IPPK: variants seen among roughly 807,000 people sequenced by gnomAD.
The protein encoded by IPPK is inositol-pentakisphosphate 2-kinase.
A neutral mutation model predicts 64.6 loss-of-function variants in IPPK; 22 were observed. The ratio of observed to expected loss-of-function variants is 0.34; its 90% confidence interval spans 0.24 to 0.49. The LOEUF (loss-of-function observed/expected upper bound fraction) is 0.49, where lower values mean the gene tolerates loss of function less well. Ranked by LOEUF, IPPK falls within the 20% of genes least tolerant of loss-of-function variation. The pLI, the probability that IPPK is intolerant of heterozygous loss-of-function variation, is 0.99. For synonymous variants in IPPK, 262 were observed against 247.2 expected, an observed-to-expected ratio of 1.06 and a Z score of -0.56; for missense variants, 532 against 630.7, an observed-to-expected ratio of 0.84 and a Z score of 1.68.
intron 6 of IPPK, among the ~76,000 whole-genome samples, chr9:92,645,425 G>C (rs994103970): frequency 2.0e-5 from 3 of 152,074 alleles, no homozygotes; most frequent in Non-Finnish European, 4.4e-5. Flanking sequence ...AAATTCTTTA[G>C]TTGAAAAGTA....
chr9:92,661,154 A>T (rs1227781956), intron 1 of IPPK, among the ~76,000 whole-genome samples: 2 of 152,222 alleles, frequency 1.3e-5, no homozygotes, highest in East Asian at 3.8e-4. Flanking sequence ...CAAGATGGGC[A>T]ACTGAGTCCC....
intron 4 of IPPK, among the ~76,000 whole-genome samples, chr9:92,650,996 C>T (rs1852256460): frequency 6.6e-6 from 1 of 152,126 alleles, no homozygotes; most frequent in African/African-American, 2.4e-5. Flanking sequence ...AAACCTCCCA[C>T]GGTTGTTATG....
chr9:92,621,882 G>A (rs917852936), intron 11 of IPPK, among the ~76,000 whole-genome samples: 1 of 152,058 alleles, frequency 6.6e-6, no homozygotes, highest in East Asian at 1.9e-4. Context: ...AGTGTTTTAC[G>A]GGCAGGTCTA....
intron 11 of IPPK, among the ~76,000 whole-genome samples, chr9:92,632,790 A>G (rs142187874): frequency 3.9e-4 from 59 of 152,336 alleles, no homozygotes; most frequent in Non-Finnish European, 6.9e-4. Flanking sequence ...CAAAACAGAC[A>G]GCTGCAGCCC....
chr9:92,648,047 A>ACAG lies in IPPK; in HGVS notation c.504+11_504+12insCTG. 6.2e-7 allele frequency: 1 copy of ACAG among 1,605,524 alleles called. No homozygotes were observed. The highest frequency in any genetic ancestry group is 1.7e-5 in the Admixed American group (1 of 59,668). On this transcript the variant is annotated intron_variant, in intron 6 of 12. Coordinates refer to ENST00000287996, the MANE Select transcript of IPPK (RefSeq NM_022755.6). Reference sequence around the variant, plus strand: ...CAGCTAGAGTAGCCCACAGCTGGGCATTGGCTCTCACCTTGAGGTGCTGGT... The same window carrying ACAG: ...CAGCTAGAGTAGCCCACAGCTGGGCACAGTTGGCTCTCACCTTGAGGTGCTGGT...
At chr9:92,662,433 G>A (rs1490814209) in intron 1 of IPPK, among the ~76,000 whole-genome samples, 1 of 151,834 alleles carries the variant, frequency 6.6e-6, no homozygotes, top group Non-Finnish European at 1.5e-5. Context: ...GGCTGAGGCA[G>A]AATCACTTGA....
At chr9:92,651,359 A>G (rs11790002) in intron 4 of IPPK, among the ~76,000 whole-genome samples, 11,679 of 152,268 alleles carry the variant, frequency 0.077, 677 homozygotes, top group Admixed American at 0.14. Flanking sequence ...TTCCTGTCAT[A>G]AGGCCACCAG....
intron 12 of IPPK, chr9:92,617,491 C>A (rs948879383): frequency 7.2e-5 from 11 of 152,870 alleles, no homozygotes; most frequent in African/African-American, 2.7e-4. Context: ...CACAGAAATG[C>A]TCTTCTTCCC....
rs1233664675 is a variant in IPPK, at chr9:92,615,608, A to G, written c.*224T>C. 1 of 525,456 alleles carries G rather than the reference A, an allele frequency of 1.9e-6. No individual in the cohort carries two copies. Among genetic ancestry groups the G allele is most frequent in the Non-Finnish European group, 3.4e-6 (1 of 291,380 alleles). 32.5% of individuals were successfully genotyped at this position (525,456 alleles called of 1,614,324 possible). Reference sequence around the variant, plus strand: ...GCTTAACGGACACTTCCATTTTAAGAGTGTGAGCAGCTTCCTGGGACACAG... The same window carrying G: ...GCTTAACGGACACTTCCATTTTAAGGGTGTGAGCAGCTTCCTGGGACACAG... On this transcript the variant is annotated 3_prime_UTR_variant, in exon 13 of 13. Coordinates refer to ENST00000287996, the MANE Select transcript of IPPK (RefSeq NM_022755.6).
intron 11 of IPPK, among the ~76,000 whole-genome samples, chr9:92,630,960 CCT>C (rs747605465): frequency 3.3e-5 from 5 of 152,168 alleles, no homozygotes; most frequent in Non-Finnish European, 5.9e-5. Context: ...CCCACCACCT[CCT>C]GTTTTTGTTT....
At chr9:92,643,682 C>T (rs1379383925) in intron 6 of IPPK, among the ~76,000 whole-genome samples, 1 of 151,354 alleles carries the variant, frequency 6.6e-6, no homozygotes, top group Non-Finnish European at 1.5e-5. Context: ...AAACAATCCT[C>T]AAGGATTAAG....
chr9:92,657,676 T>C (rs1564040769), intron 2 of IPPK, among the ~76,000 whole-genome samples: 1 of 152,200 alleles, frequency 6.6e-6, no homozygotes, highest in Non-Finnish European at 1.5e-5. Context: ...CTTCAGCAGC[T>C]GAGGCAGAAA....
In IPPK at chr9:92,615,959, T is replaced by G; in HGVS notation, c.1349A>C (p.His450Pro). The change falls in exon 13 of 13, where the codon CAT becomes CCT. Residue 450 changes from histidine to proline, a missense_variant. By Grantham distance (77) the His-to-Pro change is moderately conservative. Transcript: ENST00000287996. Reference sequence around the variant, plus strand: ...GATCTTGCCGTCCAGTTTATACTGATGGGGAATGCTCTCGTAGGGCTTGAG... The same window carrying G: ...GATCTTGCCGTCCAGTTTATACTGAGGGGGAATGCTCTCGTAGGGCTTGAG... ...LDLKPYESIPHQYKLDGKIVN... is the reference protein window; with the variant it reads ...LDLKPYESIPPQYKLDGKIVN... 1 of 1,614,114 alleles carries G rather than the reference T, an allele frequency of 6.2e-7. No homozygotes were observed. Among genetic ancestry groups the G allele is most frequent in the Non-Finnish European group, 8.5e-7 (1 of 1,179,992 alleles).
At position 92,615,562 on chromosome 9, in the gene IPPK, T is replaced by C. The variant is rs1359603660; in HGVS notation, c.*270A>G. The C allele has an allele frequency of 5.0e-6, 2 of 401,102 alleles. No homozygotes were observed. The highest frequency in any genetic ancestry group is 4.1e-5 in the African/African-American group (2 of 48,884). The allele number at this position is 401,102 out of a possible 1,614,324, so 24.8% of individuals were successfully genotyped here. On this transcript the variant is annotated 3_prime_UTR_variant, in exon 13 of 13. Coordinates refer to ENST00000287996, the MANE Select transcript of IPPK (RefSeq NM_022755.6). ...TGAGCCCTGGTTGGGAAAGAAGAAC[T>C]ATCCAGAACGTCTTCCCAGGGCTTA...
intron 6 of IPPK, among the ~76,000 whole-genome samples, chr9:92,643,406 G>T (rs1397567010): frequency 6.6e-6 from 1 of 152,136 alleles, no homozygotes; most frequent in East Asian, 1.9e-4. Context: ...GTAGGGAAAT[G>T]ACTAAATAAA....
intron 1 of IPPK, among the ~76,000 whole-genome samples, chr9:92,667,985 AT>A (rs1280467039): frequency 4.0e-5 from 6 of 149,572 alleles, no homozygotes; most frequent in Non-Finnish European, 7.4e-5. Context: ...AAAATAAACA[AT>A]CAACCTGGCG....
intron 1 of IPPK, among the ~76,000 whole-genome samples, chr9:92,664,778 G>A (rs1427285158): frequency 6.6e-6 from 1 of 152,236 alleles, no homozygotes; most frequent in Non-Finnish European, 1.5e-5. Context: ...CTTGCTCTCT[G>A]CAGACACAGT....
At chr9:92,668,184 CT>C in intron 1 of IPPK, among the ~76,000 whole-genome samples, 1 of 152,252 alleles carries the variant, frequency 6.6e-6, no homozygotes, top group East Asian at 1.9e-4. Flanking sequence ...AGGAAAATCG[CT>C]TGAACCTGGG....
chr9:92,631,280 C>T (rs1851840956), intron 11 of IPPK, among the ~76,000 whole-genome samples: 1 of 151,366 alleles, frequency 6.6e-6, no homozygotes, highest in East Asian at 1.9e-4. Flanking sequence ...ACTGCAGCCT[C>T]CACCTCCCGG....
Sources: allele counts gnomAD v4.1 joint callset (sites outside exome capture counted in the v4.1 genomes callset), GRCh38; gene constraint gnomAD v4.1.1; transcripts MANE v1.5; gene names NCBI Gene and HGNC (gene_info 2026-07-23, HGNC 2026-07-21).